The following NEK11 variants were observed in gnomAD, a reference collection of about 807,000 sequenced individuals.
The protein encoded by NEK11 is NIMA related kinase 11.
In NEK11, 72 loss-of-function variants were observed where a neutral mutation model predicts 80.7. The ratio of observed to expected loss-of-function variants is 0.89; its 90% CI spans 0.74 to 1.08. The LOEUF is 1.08. Among genes scored for constraint, NEK11 ranks in the 50% least tolerant of loss-of-function variants. The pLI is 0.00. For missense variants in NEK11, 764 were observed against 763.6 expected, an observed-to-expected ratio of 1.00 and a Z score of -0.01; for synonymous variants, 251 against 260.7, an observed-to-expected ratio of 0.96 and a Z score of 0.36.
In NEK11 at chr3:131,349,694, T is replaced by C. The variant is rs200940813; in HGVS notation, c.1856T>C (p.Phe619Ser). The C allele has an allele frequency of 2.5e-6, 4 of 1,614,088 alleles. No individual in the cohort carries two copies. The East Asian group carries it at 6.7e-5, about 27-fold the overall frequency. The change falls in exon 18 of 18, where the codon TTT (phenylalanine) becomes TCT (serine). Residue 619 changes from phenylalanine to serine, a missense_variant. By Grantham distance (155) the Phe-to-Ser change is radical (BLOSUM62 -2). Transcript: ENST00000383366. ...EKVVPQASDC[F>S]EVDQLLYFEE... is the part of the protein sequence containing the mutation. ...GTGGTGCCTCAAGCCAGCGACTGTTTTGAAGTGGACCAGCTCCTGTACTTT... is the reference window on the plus strand; with the variant it reads ...GTGGTGCCTCAAGCCAGCGACTGTTCTGAAGTGGACCAGCTCCTGTACTTT...
intron 5 of NEK11, among the ~76,000 whole-genome samples, chr3:131,114,705 A>C (rs140777430): frequency 6.6e-6 from 1 of 152,364 alleles, no homozygotes; most frequent in East Asian, 1.9e-4. Context: ...AAGAAGCGTG[A>C]ATACTTGGGA....
At chr3:131,258,394 A>C (rs993716357) in intron 16 of NEK11, among the ~76,000 whole-genome samples, 6 of 152,222 alleles carry the variant, frequency 3.9e-5, no homozygotes, top group Admixed American at 2.0e-4. Context: ...TATTTGAATC[A>C]GTCTTGAAGC....
chr3:131,344,696 A>G (rs912527999), intron 17 of NEK11, among the ~76,000 whole-genome samples: 9 of 152,334 alleles, frequency 5.9e-5, no homozygotes, highest in Admixed American at 5.9e-4. Flanking sequence ...GCTTCTGGGA[A>G]GGCCTTAGCG....
intron 17 of NEK11, among the ~76,000 whole-genome samples, chr3:131,299,521 T>G (rs2096637356): frequency 6.6e-6 from 1 of 152,124 alleles, no homozygotes; most frequent in Admixed American, 6.6e-5. Context: ...ATCCTTACCC[T>G]CCTCCCACCA....
In NEK11 at chr3:131,132,854, A is replaced by G. The variant is rs752906074; in HGVS notation, c.520+45A>G. 2.0e-5 allele frequency: 16 copies of G among 808,778 alleles called. No homozygotes were observed. The Admixed American group carries it at 4.0e-4, about 20-fold the overall frequency. 50.1% of individuals were successfully genotyped at this position (808,778 alleles called of 1,614,324 possible). A position where few individuals can be genotyped will look rare whatever the true frequency, so the allele number is the denominator to read the frequency against. On this transcript the variant is annotated intron_variant, in intron 6 of 17. Transcript: ENST00000383366. Reference sequence around the variant, plus strand: ...GAATTCCAAAAACGCAGAACAGTATATTCTAGATATTATCATATCAAATTG... The same window carrying G: ...GAATTCCAAAAACGCAGAACAGTATGTTCTAGATATTATCATATCAAATTG...
chr3:131,214,850 T>C (rs2094766498), intron 14 of NEK11, among the ~76,000 whole-genome samples: 1 of 152,078 alleles, frequency 6.6e-6, no homozygotes, highest in Non-Finnish European at 1.5e-5. Context: ...AATTTAGCCC[T>C]CCAGAAAGGG....
chr3:131,123,250 T>A (rs1038960594), intron 5 of NEK11, among the ~76,000 whole-genome samples: 12 of 152,100 alleles, frequency 7.9e-5, no homozygotes, highest in Non-Finnish European at 1.8e-4. Context: ...CACTGTAACC[T>A]CTGCTTCCCA....
chr3:131,284,249 G>A (rs546068903), intron 17 of NEK11, among the ~76,000 whole-genome samples: 6 of 152,184 alleles, frequency 3.9e-5, no homozygotes, highest in East Asian at 3.9e-4. Flanking sequence ...TCTCTGAAGC[G>A]GAGGTTCACT....
At chr3:131,328,434 C>T (rs904600281) in intron 17 of NEK11, 5 of 152,180 alleles carry the variant, frequency 3.3e-5, no homozygotes, top group Admixed American at 1.3e-4. Flanking sequence ...GAAAGGTCCT[C>T]TGCCTTCAAG....
intron 10 of NEK11, among the ~76,000 whole-genome samples, chr3:131,156,539 C>G (rs760793487): frequency 7.2e-5 from 11 of 152,260 alleles, no homozygotes; most frequent in Admixed American, 2.0e-4. Context: ...CATCTTGCCC[C>G]TTCCCTCATG....
intron 3 of NEK11, among the ~76,000 whole-genome samples, chr3:131,043,701 T>C (rs989803183): frequency 6.6e-6 from 1 of 152,140 alleles, no homozygotes; most frequent in Non-Finnish European, 1.5e-5. Context: ...CAGGATATTA[T>C]CCGGGAGAAC....
At chr3:131,243,389 C>A in intron 15 of NEK11, 47 bp from the exon 16 acceptor site, 1 of 1,541,902 alleles carries the variant, frequency 6.5e-7, no homozygotes, top group South Asian at 1.1e-5. Flanking sequence ...TATTAAGTAT[C>A]CTTCTACCAT....
intron 3 of NEK11, among the ~76,000 whole-genome samples, chr3:131,060,430 G>A (rs891863018): frequency 6.6e-6 from 1 of 152,140 alleles, no homozygotes; most frequent in Non-Finnish European, 1.5e-5. Context: ...AGTTTATCTG[G>A]CAAAACATTC....
chr3:131,324,704 G>A (rs1007551870), intron 17 of NEK11, among the ~76,000 whole-genome samples: 9 of 152,102 alleles, frequency 5.9e-5, no homozygotes, highest in African/African-American at 1.9e-4. Context: ...GGAAAGCAAG[G>A]GGCTTATTTT....
intron 17 of NEK11, among the ~76,000 whole-genome samples, chr3:131,338,987 T>TA (rs1000308621): frequency 3.4e-5 from 5 of 147,872 alleles, no homozygotes; most frequent in Admixed American, 6.6e-5. Context: ...GTTATATATA[T>TA]TTTTTTATCA....
At chr3:131,318,404 AT>A (rs2096864837) in intron 17 of NEK11, among the ~76,000 whole-genome samples, 1 of 152,166 alleles carries the variant, frequency 6.6e-6, no homozygotes, top group Admixed American at 6.6e-5. Context: ...TTAAGTGAAA[AT>A]TCTCTTTAAT....
At chr3:131,326,044 T>G (rs147498087) in intron 17 of NEK11, 57 of 152,330 alleles carry the variant, frequency 3.7e-4, no homozygotes, top group African/African-American at 1.3e-3. Context: ...GGAATTGTCA[T>G]GAAAAGACAT....
intron 17 of NEK11, among the ~76,000 whole-genome samples, chr3:131,319,187 C>A (rs902162384): frequency 5.3e-5 from 8 of 152,158 alleles, no homozygotes; most frequent in African/African-American, 1.9e-4. Flanking sequence ...AATTGATTTC[C>A]ATACTCCACA....
chr3:131,033,709 TTTAA>T (rs759900276), intron 3 of NEK11, among the ~76,000 whole-genome samples: 3 of 152,228 alleles, frequency 2.0e-5, no homozygotes, highest in Non-Finnish European at 4.4e-5. Context: ...CAGGGTGACC[TTTAA>T]TTACAATGTA....
Sources: gnomAD v4.1 joint callset for allele counts (sites outside exome capture counted in the v4.1 genomes callset) on GRCh38, gnomAD v4.1.1 for gene constraint, MANE v1.5 for transcripts, NCBI Gene and HGNC (gene_info 2026-07-23, HGNC 2026-07-21) for gene names.